Variants in SSBP3 observed in about 807,000 individuals in gnomAD.
SSBP3 encodes single-stranded DNA-binding protein 3.
In SSBP3, 5 loss-of-function variants were observed where a neutral mutation model predicts 69.6. That is an observed-to-expected ratio of 0.07 (90% CI 0.04 to 0.15). The LOEUF is 0.15. SSBP3 is among the 10% of genes least tolerant of loss of function. The pLI is 1.00. For synonymous variants in SSBP3, 196 were observed against 193.4 expected (o/e 1.01, Z -0.11); for missense variants, 312 against 534.0 (o/e 0.58, Z 4.10).
intron 9 of SSBP3, among the ~76,000 whole-genome samples, chr1:54,248,640 C>A (rs780539785): frequency 1.1e-4 from 16 of 152,130 alleles, no homozygotes; most frequent in Non-Finnish European, 2.4e-4. Context: ...CAGGCTCTGC[C>A]GGGCCCAAGA....
chr1:54,410,472 A>G (rs1236729467), upstream of SSBP3, among the ~76,000 whole-genome samples: 1 of 152,164 alleles, frequency 6.6e-6, no homozygotes, highest in African/African-American at 2.4e-5. Context: ...TGCTAGGAGG[A>G]TGGATGCAAG....
intron 1 of SSBP3, 22 bp from the exon 2 acceptor site, chr1:54,404,952 AAGAG>A (rs755056121): frequency 1.1e-5 from 18 of 1,607,112 alleles, no homozygotes; most frequent in South Asian, 5.5e-5. Flanking sequence ...ACAGGGGGCA[AAGAG>A]AGAGAGGGAA....
rs1032486771 is a variant in SSBP3 at position 54,389,724 on chromosome 1, A to G, written c.276+12137T>C. ...AAAAATAAAAAAATAAAAAAACAGA[A>G]AAGTTAGCTGGGCATGGTGGCACAT... is the stretch of plus-strand genomic sequence containing the variant. On this transcript the variant is annotated intron_variant, in intron 4 of 17. Coordinates refer to ENST00000610401, the Ensembl canonical transcript of SSBP3. Among the ~76,000 whole-genome samples, 6 of 152,094 alleles carry G rather than the reference A, an allele frequency of 3.9e-5. No homozygotes were observed. In the East Asian group the frequency reaches 1.2e-3, roughly 29 times the overall value.
At chr1:54,320,078 T>G (rs1569793589) in intron 4 of SSBP3, among the ~76,000 whole-genome samples, 1 of 151,832 alleles carries the variant, frequency 6.6e-6, no homozygotes, top group South Asian at 2.1e-4. Flanking sequence ...GAGAGGGAGG[T>G]GAATCTTCAG....
chr1:54,313,455 T>TCC (rs1557521897), intron 4 of SSBP3, among the ~76,000 whole-genome samples: 1 of 138,036 alleles, frequency 7.2e-6, no homozygotes, highest in African/African-American at 2.8e-5. Context: ...TTTTTTTTTT[T>TCC]TTTTTTCTTT....
At chr1:54,293,236 A>C (rs1303270253) in intron 4 of SSBP3, among the ~76,000 whole-genome samples, 1 of 152,036 alleles carries the variant, frequency 6.6e-6, no homozygotes, top group African/African-American at 2.4e-5. Flanking sequence ...AGAGGGCCAG[A>C]GCACCCAAGA....
rs576090798 is a variant in SSBP3, at chr1:54,402,890, G to A, written c.192-945C>T. Among the ~76,000 whole-genome samples the A allele has an allele frequency of 9.8e-5, 15 of 152,302 alleles. No individual in the cohort carries two copies. In the East Asian group the frequency reaches 2.9e-3, roughly 29 times the overall value. On this transcript the variant is annotated intron_variant, in intron 3 of 17. Coordinates refer to ENST00000610401, the Ensembl canonical transcript of SSBP3. Reference sequence around the variant, plus strand: ...AAACTCTCCAAATCAGGAGCCCGAGGCCCAGGGACAGAACAAGCTTAAAGG... The same window carrying A: ...AAACTCTCCAAATCAGGAGCCCGAGACCCAGGGACAGAACAAGCTTAAAGG...
At chr1:54,391,509 T>C (rs759996358) in intron 4 of SSBP3, among the ~76,000 whole-genome samples, 8 of 152,174 alleles carry the variant, frequency 5.3e-5, no homozygotes, top group African/African-American at 1.7e-4. Flanking sequence ...GCTGCAGCAG[T>C]ATCCCAGAAT....
rs1468546471 is a variant in SSBP3, at chr1:54,292,945, G to T, written c.277-11418C>A. Among the ~76,000 whole-genome samples the T allele has an allele frequency of 3.9e-5, 6 of 152,148 alleles. No homozygotes were observed. The East Asian group carries it at 1.2e-3, about 29-fold the overall frequency. Reference sequence around the variant, plus strand: ...GGCCTTCTAGAACAGAGCCTGGCATGCTTTCAGAGGAGACTCTTGGAGGAT... The same window carrying T: ...GGCCTTCTAGAACAGAGCCTGGCATTCTTTCAGAGGAGACTCTTGGAGGAT... On this transcript the variant is annotated intron_variant, in intron 4 of 17. Coordinates refer to ENST00000610401, the Ensembl canonical transcript of SSBP3.
At chr1:54,407,847 T>C (rs1170028959), upstream of SSBP3, among the ~76,000 whole-genome samples, 1 of 148,210 alleles carries the variant, frequency 6.7e-6, no homozygotes, top group Non-Finnish European at 1.5e-5. Context: ...AATTAAAGGA[T>C]AGGTCAGTGT....
intron 6 of SSBP3, 152 bp from the exon 7 acceptor site, chr1:54,257,338 T>G (rs1446467052): frequency 2.1e-5 from 13 of 613,704 alleles, no homozygotes; most frequent in Non-Finnish European, 3.0e-5. Context: ...ACAGCAAAAC[T>G]TCCTTTGGGC....
At chr1:54,371,322 G>A (rs1480073862) in intron 4 of SSBP3, among the ~76,000 whole-genome samples, 1 of 152,246 alleles carries the variant, frequency 6.6e-6, no homozygotes, top group Non-Finnish European at 1.5e-5. Flanking sequence ...ACTACCATGA[G>A]CTCAAGCGCC....
chr1:54,237,629 T>C (rs750459786), intron 14 of SSBP3: 1 of 155,556 alleles, frequency 6.4e-6, no homozygotes, highest in Non-Finnish European at 1.4e-5. Context: ...AGTAACATGG[T>C]CATTTAACCT....
intron 14 of SSBP3, among the ~76,000 whole-genome samples, chr1:54,229,929 G>A (rs1049135589): frequency 2.0e-5 from 3 of 152,194 alleles, no homozygotes; most frequent in Non-Finnish European, 4.4e-5. Flanking sequence ...GTACAGCTGC[G>A]GCTTCAGAGC....
At chr1:54,385,099 G>A (rs1216492398) in intron 4 of SSBP3, among the ~76,000 whole-genome samples, 2 of 152,170 alleles carry the variant, frequency 1.3e-5, no homozygotes, top group South Asian at 2.1e-4. Flanking sequence ...CATCCTGAGC[G>A]CAGATCCCTA....
At chr1:54,291,156 C>CTT (rs35439741) in intron 4 of SSBP3, among the ~76,000 whole-genome samples, 24 of 150,968 alleles carry the variant, frequency 1.6e-4, no homozygotes, top group South Asian at 4.2e-4. Context: ...CTTCTAGAAA[C>CTT]TTTTTTTTTT....
chr1:54,229,102 C>A (rs551232794), intron 14 of SSBP3, among the ~76,000 whole-genome samples: 1 of 152,256 alleles, frequency 6.6e-6, no homozygotes, highest in East Asian at 1.9e-4. Context: ...ACCTCTGAAA[C>A]TGAGCCTCTC....
chr1:54,238,476 C>T, intron 14 of SSBP3: 1 of 377,180 alleles, frequency 2.7e-6, no homozygotes, highest in South Asian at 2.1e-5. Flanking sequence ...CAGATCAGGC[C>T]CCGACCTCGG....
Position 54,257,374 on chromosome 1 carries a change from A to G in SSBP3, c.448-188T>C, listed in dbSNP as rs151261890. The G allele has an allele frequency of 5.6e-4, 303 of 539,114 alleles. 2 individuals carry two copies. Among genetic ancestry groups the G allele is most frequent in the African/African-American group, 5.5e-3 (276 of 49,934 alleles). 33.4% of individuals were successfully genotyped at this position (539,114 alleles called of 1,614,324 possible). A position where few individuals can be genotyped will look rare whatever the true frequency, so the allele number is the denominator to read the frequency against. ...AGAGGGAACAATAGATCCACACAAC[A>G]AATGTGTCTCTTGACTCCACATTTG... On this transcript the variant is annotated intron_variant, in intron 6 of 17. Transcript: ENST00000610401.
Sources: allele counts gnomAD v4.1 joint callset (sites outside exome capture counted in the v4.1 genomes callset), GRCh38; gene constraint gnomAD v4.1.1; transcripts MANE v1.5; gene names NCBI Gene and HGNC (gene_info 2026-07-23, HGNC 2026-07-21).